The following ARHGAP42 variants were observed in gnomAD, a reference collection of about 807,000 sequenced individuals.
The protein encoded by ARHGAP42 is rho GTPase-activating protein 42.
A neutral mutation model predicts 125.0 loss-of-function variants in ARHGAP42; 63 were observed. That is an observed-to-expected ratio of 0.50 (90% CI 0.41 to 0.62). The LOEUF (loss-of-function observed/expected upper bound fraction) is 0.62, where lower values mean the gene tolerates loss of function less well. Among genes scored for constraint, ARHGAP42 ranks in the 20% least tolerant of loss-of-function variants. The pLI is 0.00. For missense variants in ARHGAP42, 766 were observed against 1,024.2 expected, an observed-to-expected ratio of 0.75 and a Z score of 3.44; for synonymous variants, 339 against 351.0, an observed-to-expected ratio of 0.97 and a Z score of 0.38.
intron 4 of ARHGAP42, among the ~76,000 whole-genome samples, chr11:100,907,912 T>G (rs117388256): frequency 0.024 from 3,635 of 152,298 alleles, 60 homozygotes; most frequent in Non-Finnish European, 0.034. Context: ...TACTATTACT[T>G]AAGTTGAAGG....
chr11:100,799,389 G>T (rs1565219011), intron 3 of ARHGAP42, among the ~76,000 whole-genome samples: 1 of 152,176 alleles, frequency 6.6e-6, no homozygotes, highest in Non-Finnish European at 1.5e-5. Context: ...GCAAAGAAAG[G>T]TTTTCTGTGA....
intron 22 of ARHGAP42, among the ~76,000 whole-genome samples, chr11:100,984,638 T>C (rs1031333475): frequency 2.0e-5 from 3 of 151,996 alleles, no homozygotes; most frequent in Non-Finnish European, 4.4e-5. Context: ...TTAAATGCAT[T>C]AGACGGCATT....
At chr11:100,703,974 G>T (rs1291828441) in intron 1 of ARHGAP42, among the ~76,000 whole-genome samples, 2 of 151,890 alleles carry the variant, frequency 1.3e-5, no homozygotes, top group East Asian at 3.8e-4. Flanking sequence ...TAATTATGCT[G>T]AAGGTGAGAT....
At chr11:100,697,331 C>CG (rs1565532063) in intron 1 of ARHGAP42, among the ~76,000 whole-genome samples, 1 of 152,116 alleles carries the variant, frequency 6.6e-6, no homozygotes, top group East Asian at 1.9e-4. Flanking sequence ...TACGGGCGCC[C>CG]GGCACCACGC....
Position 100,980,603 on chromosome 11 carries a change from G to A in ARHGAP42, c.2456+1554G>A, listed in dbSNP as rs377420605. On this transcript the variant is annotated intron_variant, in intron 22 of 23. Coordinates refer to ENST00000298815, the MANE Select transcript of ARHGAP42 (RefSeq NM_152432.4). ...TTTTTTTTTTTTGAGAAAGAGCCTC[G>A]CTCTGTCACCAGGCTGGAGTGCAGT... Among the ~76,000 whole-genome samples, 19 of 69,692 alleles carry A rather than the reference G, an allele frequency of 2.7e-4. No homozygotes were observed. In the East Asian group the frequency reaches 0.011, roughly 41 times the overall value. The allele number at this position is 69,692 out of a possible 152,430, so 45.7% of individuals were successfully genotyped here.
intron 6 of ARHGAP42, among the ~76,000 whole-genome samples, chr11:100,923,852 T>C (rs753847220): frequency 7.9e-5 from 12 of 152,116 alleles, no homozygotes; most frequent in Non-Finnish European, 1.5e-4. Context: ...CTCATCCTCA[T>C]TTCTAGCCTC....
At chr11:100,740,532 A>AG (rs375129892) in intron 1 of ARHGAP42, among the ~76,000 whole-genome samples, 1 of 152,362 alleles carries the variant, frequency 6.6e-6, no homozygotes, top group Non-Finnish European at 1.5e-5. Flanking sequence ...TGCCATTTGA[A>AG]GGCAGTATCA....
chr11:100,779,838 C>A (rs1863257895), intron 2 of ARHGAP42, among the ~76,000 whole-genome samples: 1 of 151,422 alleles, frequency 6.6e-6, no homozygotes, highest in Non-Finnish European at 1.5e-5. Context: ...CCTGCCTGGC[C>A]AACATGGTGA....
chr11:100,728,406 TGA>T (rs1861898404), intron 1 of ARHGAP42, among the ~76,000 whole-genome samples: 2 of 152,060 alleles, frequency 1.3e-5, no homozygotes, highest in African/African-American at 2.4e-5. Context: ...AGTCTTCCCC[TGA>T]GAGAGAGAAA....
intron 4 of ARHGAP42, among the ~76,000 whole-genome samples, chr11:100,881,913 G>T (rs1865971642): frequency 6.6e-6 from 1 of 152,106 alleles, no homozygotes. Context: ...TTTTCAGCTT[G>T]GTCGCTGTTG....
intron 23 of ARHGAP42, among the ~76,000 whole-genome samples, 189 bp from the exon 24 acceptor site, chr11:100,988,524 G>T (rs1050360511): frequency 6.6e-6 from 1 of 152,130 alleles, no homozygotes; most frequent in Admixed American, 6.5e-5. Context: ...TAGGGTATAT[G>T]CAAATATTAC....
chr11:100,806,836 TGTTTATTTA>T (rs1864004840), intron 3 of ARHGAP42, among the ~76,000 whole-genome samples: 1 of 119,482 alleles, frequency 8.4e-6, no homozygotes, highest in South Asian at 3.4e-4. Flanking sequence ...TTTGTTTGTT[TGTTTATTTA>T]TTTATTTATT....
intron 4 of ARHGAP42, among the ~76,000 whole-genome samples, chr11:100,880,614 G>A (rs975598749): frequency 2.6e-4 from 40 of 152,198 alleles, no homozygotes; most frequent in Non-Finnish European, 2.6e-4. Flanking sequence ...TAGATACCCA[G>A]TAGTGGGATT....
At chr11:100,911,137 C>A (rs189300456) in intron 4 of ARHGAP42, among the ~76,000 whole-genome samples, 243 of 152,214 alleles carry the variant, frequency 1.6e-3, no homozygotes, top group African/African-American at 5.5e-3. Flanking sequence ...TATACTGTAA[C>A]CCGGCTGGTT....
At chr11:100,827,547 G>C (rs1185809435) in intron 3 of ARHGAP42, among the ~76,000 whole-genome samples, 1 of 152,138 alleles carries the variant, frequency 6.6e-6, no homozygotes, top group Non-Finnish European at 1.5e-5. Flanking sequence ...TGTTTACCTG[G>C]GGTCATTTTC....
At chr11:100,960,454 T>G (rs1857925841) in intron 13 of ARHGAP42, among the ~76,000 whole-genome samples, 1 of 152,146 alleles carries the variant, frequency 6.6e-6, no homozygotes, top group Non-Finnish European at 1.5e-5. Flanking sequence ...GTTTTGGAGT[T>G]CCATAAACTT....
chr11:100,866,164 C>T (rs1334989298), intron 4 of ARHGAP42, among the ~76,000 whole-genome samples: 2 of 152,138 alleles, frequency 1.3e-5, no homozygotes, highest in South Asian at 2.1e-4. Context: ...TTTGCTCATC[C>T]GTAAGAAGCA....
intron 4 of ARHGAP42, among the ~76,000 whole-genome samples, chr11:100,879,065 T>G (rs1453146026): frequency 6.6e-6 from 1 of 151,556 alleles, no homozygotes; most frequent in African/African-American, 2.4e-5. Flanking sequence ...AATAAAAAAA[T>G]TAATAATGCC....
intron 1 of ARHGAP42, chr11:100,738,307 T>C (rs1252098014): frequency 6.6e-6 from 1 of 152,210 alleles, no homozygotes; most frequent in Non-Finnish European, 1.5e-5. Context: ...ATTTTTTAAA[T>C]GTGGATTGAG....
Sources: allele counts gnomAD v4.1 joint callset (sites outside exome capture counted in the v4.1 genomes callset), GRCh38; gene constraint gnomAD v4.1.1; transcripts MANE v1.5; gene names NCBI Gene and HGNC (gene_info 2026-07-23, HGNC 2026-07-21).